Variants in DOCK8 observed in about 807,000 individuals in gnomAD.
The protein encoded by DOCK8 is dedicator of cytokinesis protein 8.
Under a neutral mutation model 245.6 loss-of-function variants are expected in DOCK8, and 141 were observed. That is an observed-to-expected ratio of 0.57 (90% CI 0.50 to 0.66). The LOEUF is 0.66. Ranked by LOEUF, DOCK8 falls within the 30% of genes least tolerant of loss-of-function variation. DOCK8 has a pLI of 0.00. For missense variants in DOCK8, 2,965 were observed against 2,603.4 expected (o/e 1.14, Z -3.02); for synonymous variants, 1,168 against 970.2 (o/e 1.20, Z -3.79).
chr9:425,396 G>A (rs1037483872), intron 33 of DOCK8, among the ~76,000 whole-genome samples: 2 of 152,054 alleles, frequency 1.3e-5, no homozygotes, highest in African/African-American at 2.4e-5. Flanking sequence ...GCCGGGCGCG[G>A]TGGCGGGCGC....
chr9:303,400 A>G (rs1349322687), intron 4 of DOCK8, among the ~76,000 whole-genome samples: 2 of 152,344 alleles, frequency 1.3e-5, no homozygotes, highest in East Asian at 3.9e-4. Flanking sequence ...GCCCATCGAC[A>G]GTGGACTAGA....
chr9:371,091 A>C (rs1342051246), intron 16 of DOCK8, among the ~76,000 whole-genome samples: 1 of 152,166 alleles, frequency 6.6e-6, no homozygotes. Flanking sequence ...GTAGAAATGG[A>C]AAAAGGAGGT....
chr9:213,358 T>C (rs1233563216), upstream of DOCK8: 1 of 152,072 alleles, frequency 6.6e-6, no homozygotes, highest in Non-Finnish European at 1.5e-5. Context: ...AGGTGACAAA[T>C]TAGGTTGTAT....
At chr9:285,774 T>C (rs2048799128) in intron 2 of DOCK8, among the ~76,000 whole-genome samples, 1 of 152,202 alleles carries the variant, frequency 6.6e-6, no homozygotes, top group Non-Finnish European at 1.5e-5. Context: ...AGAACACTTA[T>C]TTCAAAGTGA....
chr9:405,887 T>G (rs1476393198), intron 27 of DOCK8, among the ~76,000 whole-genome samples: 1 of 152,168 alleles, frequency 6.6e-6, no homozygotes, highest in East Asian at 1.9e-4. Context: ...TCAAAATGTA[T>G]AAACTTTTTG....
At chr9:287,601 A>T (rs1438078890) in intron 3 of DOCK8, among the ~76,000 whole-genome samples, 1 of 152,160 alleles carries the variant, frequency 6.6e-6, no homozygotes, top group Non-Finnish European at 1.5e-5. Context: ...TATTATTGTG[A>T]ACCGTTGCTC....
chr9:425,170 G>A (rs991818175), intron 33 of DOCK8, among the ~76,000 whole-genome samples: 6 of 151,568 alleles, frequency 4.0e-5, no homozygotes, highest in African/African-American at 1.5e-4. Flanking sequence ...GACATATGTG[G>A]CCCCCATTGT....
intron 31 of DOCK8, 102 bp downstream of exon 31, chr9:420,685 T>C: frequency 6.8e-7 from 1 of 1,461,290 alleles, no homozygotes; most frequent in Non-Finnish European, 9.6e-7. Context: ...GCATCATTAA[T>C]TTTTCTCATT....
rs1305377951 is a variant in DOCK8, at chr9:441,282, C to T, written c.5224-4C>T. 1 of 1,614,144 alleles carries T rather than the reference C, an allele frequency of 6.2e-7. No individual in the cohort carries two copies. The highest frequency in any genetic ancestry group is 1.1e-5 in the South Asian group (1 of 91,084). ...CTCTCTGATGCTCTTCTCCTCTTTC[C>T]AAGGGAGGCTTATATGAGACAGTTA... On this transcript the variant is annotated splice_polypyrimidine_tract_variant and splice_region_variant and intron_variant, in intron 40 of 47. Transcript: ENST00000432829.
intron 2 of DOCK8, among the ~76,000 whole-genome samples, chr9:278,944 T>C (rs2048464418): frequency 6.6e-6 from 1 of 152,144 alleles, no homozygotes; most frequent in Admixed American, 6.5e-5. Flanking sequence ...CTGGCTGCAG[T>C]GTGGAAAATA....
At chr9:406,640 T>G (rs1050769422) in intron 27 of DOCK8, among the ~76,000 whole-genome samples, 8 of 152,216 alleles carry the variant, frequency 5.3e-5, no homozygotes, top group African/African-American at 1.9e-4. Flanking sequence ...GATTTTTATC[T>G]TCAGCTTTTG....
chr9:218,009 G>A (rs2046799723), intron 1 of DOCK8, among the ~76,000 whole-genome samples: 3 of 152,078 alleles, frequency 2.0e-5, no homozygotes, highest in African/African-American at 7.2e-5. Context: ...TCATCATTTT[G>A]GTAGCAGCAT....
Position 455,588 on chromosome 9 carries a change from C to A in DOCK8, c.6068+3471C>A, listed in dbSNP as rs1023432039. Among the ~76,000 whole-genome samples the A allele has an allele frequency of 2.0e-5, 3 of 152,008 alleles. No individual in the cohort carries two copies. The South Asian group carries it at 6.2e-4, about 32-fold the overall frequency. On this transcript the variant is annotated intron_variant, in intron 46 of 47. Transcript: ENST00000432829. Reference sequence around the variant, plus strand: ...CTGAAGCACTGCATTTCTAACAGGCCCCCAGGTGATGCTGCTGCTGCTACA... The same window carrying A: ...CTGAAGCACTGCATTTCTAACAGGCACCCAGGTGATGCTGCTGCTGCTACA...
Position 386,435 on chromosome 9 carries a change from G to A in DOCK8, c.2874+9G>A. On this transcript the variant is annotated intron_variant, in intron 23 of 47. Coordinates refer to ENST00000432829, the MANE Select transcript of DOCK8 (RefSeq NM_203447.4). ...GGCCAGCCAGCAAAAAGGTACTGAAGAGAGCAATGTGAGGTTCATCCCAGG... is the reference window on the plus strand; with the variant it reads ...GGCCAGCCAGCAAAAAGGTACTGAAAAGAGCAATGTGAGGTTCATCCCAGG... The A allele has an allele frequency of 1.2e-6, 2 of 1,611,124 alleles. No individual in the cohort carries two copies. Among genetic ancestry groups the A allele is most frequent in the Non-Finnish European group, 1.7e-6 (2 of 1,177,606 alleles).
intron 28 of DOCK8, among the ~76,000 whole-genome samples, chr9:407,428 C>A (rs2055487286): frequency 6.6e-6 from 1 of 152,248 alleles, no homozygotes; most frequent in African/African-American, 2.4e-5. Flanking sequence ...GAGGCAACCA[C>A]AAGATGTCAC....
intron 36 of DOCK8, among the ~76,000 whole-genome samples, chr9:430,432 A>C (rs767583256): frequency 2.0e-5 from 3 of 152,104 alleles, no homozygotes; most frequent in Non-Finnish European, 4.4e-5. Context: ...CTGTAATCCT[A>C]GCACTTCGGG....
In DOCK8 at chr9:434,820, C is replaced by A. The variant is rs765388925; in HGVS notation, c.4924C>A (p.Leu1642Met). ...TTACCAGGCATCTCCTGATCTGCGGCTGACCTGGCTCCAGAACATGGCAGA... is the reference window on the plus strand; with the variant it reads ...TTACCAGGCATCTCCTGATCTGCGGATGACCTGGCTCCAGAACATGGCAGA... ...KSYQASPDLR[L>M]TWLQNMAEKH... Residue 1642 changes from leucine (L) to methionine (M), a missense_variant, in exon 39 of 48, where the codon CTG (leucine) becomes ATG (methionine). This residue lies in a region of DOCK8 where 2,825 missense variants were observed against 2,453.5 expected (regional missense o/e 1.15). Transcript: ENST00000432829. The A allele has an allele frequency of 1.9e-6, 3 of 1,614,046 alleles. No individual in the cohort carries two copies. Among genetic ancestry groups the A allele is most frequent in the African/African-American group, 2.7e-5 (2 of 74,936 alleles).
chr9:336,435 A>G (rs1216140500), intron 11 of DOCK8, 147 bp from the exon 12 acceptor site: 2 of 1,108,832 alleles, frequency 1.8e-6, no homozygotes, highest in Non-Finnish European at 2.6e-6. Flanking sequence ...GGTAGGGGCC[A>G]ATGGAAGGAC....
intron 6 of DOCK8, among the ~76,000 whole-genome samples, chr9:316,432 G>T (rs765873918): frequency 7.9e-5 from 12 of 152,200 alleles, no homozygotes; most frequent in Non-Finnish European, 1.6e-4. Flanking sequence ...AACAGGTAGA[G>T]CTCTTAATTT....
Sources: allele counts gnomAD v4.1 joint callset (sites outside exome capture counted in the v4.1 genomes callset), GRCh38; gene constraint gnomAD v4.1.1; regional missense constraint gnomAD v4.1.1; transcripts MANE v1.5; gene names NCBI Gene and HGNC (gene_info 2026-07-23, HGNC 2026-07-21).